AGAP1: variants seen among roughly 807,000 people sequenced by gnomAD.
The protein encoded by AGAP1 is ArfGAP with GTPase domain, ankyrin repeat and PH domain 1.
AGAP1 carries 29 observed loss-of-function variants against 105.3 expected under a neutral mutation model. That is an observed-to-expected ratio of 0.28 (90% confidence interval 0.21 to 0.38). The LOEUF is 0.38. AGAP1 is among the 10% of genes least tolerant of loss of function. The pLI is 1.00. For synonymous variants in AGAP1, 509 were observed against 485.9 expected (o/e 1.05, Z -0.63); for missense variants, 998 against 1,165.1 (o/e 0.86, Z 2.09).
Position 235,741,135 on chromosome 2 carries a change from C to A in AGAP1, c.396+87C>A. The A allele has an allele frequency of 8.4e-7, 1 of 1,189,338 alleles. No homozygotes were observed. Among genetic ancestry groups the A allele is most frequent in the Non-Finnish European group, 1.1e-6 (1 of 881,492 alleles). The allele number at this position is 1,189,338 out of a possible 1,614,324, so 73.7% of individuals were successfully genotyped here. ...AAGAAGTGCTTCTAGAAATCGGTGA[C>A]TTGGTTTCCAAAAAAGTGGAAACCC... On this transcript the variant is annotated intron_variant, in intron 4 of 17. Transcript: ENST00000304032. The surrounding 1 kb of genome is among the most constrained non-coding windows in gnomAD (Gnocchi z 4.9).
At chr2:236,088,091 C>G (rs2058976013) in intron 16 of AGAP1, among the ~76,000 whole-genome samples, 1 of 152,170 alleles carries the variant, frequency 6.6e-6, no homozygotes, top group South Asian at 2.1e-4. Context: ...AAAGTGGGGA[C>G]CTTCACCAAT....
chr2:235,494,653 G>T lies in AGAP1; in HGVS notation c.-34G>T. 3.7e-6 allele frequency: 4 copies of T among 1,069,940 alleles called. No individual in the cohort carries two copies. The highest frequency in any genetic ancestry group is 4.6e-6 in the Non-Finnish European group (4 of 872,686). 66.3% of individuals were successfully genotyped at this position (1,069,940 alleles called of 1,614,324 possible). A position where few individuals can be genotyped will look rare whatever the true frequency, so the allele number is the denominator to read the frequency against. ...CCCGGGGCGCGGGGCGGCGGCGGCG[G>T]GGGGCGCGCGGCTCCGGGCGCGGCG... On this transcript the variant is annotated 5_prime_UTR_variant, in exon 1 of 18. Transcript: ENST00000304032.
At chr2:235,554,414 G>A (rs993999658) in intron 1 of AGAP1, among the ~76,000 whole-genome samples, 2 of 152,210 alleles carry the variant, frequency 1.3e-5, no homozygotes, top group South Asian at 2.1e-4. Context: ...ACCTGTGCCC[G>A]GGCATTGATT....
At chr2:235,693,996 A>G (rs956024997) in intron 1 of AGAP1, among the ~76,000 whole-genome samples, 4 of 152,204 alleles carry the variant, frequency 2.6e-5, no homozygotes, top group Non-Finnish European at 5.9e-5. Context: ...TGGAAGCTGC[A>G]TAGTTAACTG....
At chr2:235,537,792 G>T (rs1559232633) in intron 1 of AGAP1, among the ~76,000 whole-genome samples, 1 of 152,168 alleles carries the variant, frequency 6.6e-6, no homozygotes, top group Non-Finnish European at 1.5e-5. Context: ...AGGACTCACT[G>T]CTGGCAGTCA....
Position 235,737,324 on chromosome 2 carries a change from G to GT in AGAP1, c.311-3638dup, listed in dbSNP as rs1952311128. ...TTACCAGTATCTGGTGTTTGAAATT[G>GT]TAAGATGCTGAAAAGAACTGTTAAT... On this transcript the variant is annotated intron_variant, in intron 3 of 17. Transcript: ENST00000304032. This position sits in a 1 kb window ranked among gnomAD's most constrained non-coding sequence, Gnocchi z 4.5. 1.3e-5 allele frequency among the ~76,000 whole-genome samples: 2 copies of GT among 152,224 alleles called. No individual in the cohort carries two copies. The highest frequency in any genetic ancestry group is 3.8e-4 in the East Asian group (2 of 5,200).
intron 1 of AGAP1, among the ~76,000 whole-genome samples, chr2:235,516,701 T>A (rs1942402751): frequency 6.6e-6 from 1 of 152,154 alleles, no homozygotes; most frequent in Admixed American, 6.6e-5. Context: ...CTGGGACAAA[T>A]GCCTGTGGAG....
At position 236,005,350 on chromosome 2, in the gene AGAP1, A is replaced by G. The variant is rs2056287128; in HGVS notation, c.1646-31211A>G. On this transcript the variant is annotated intron_variant, in intron 13 of 17. Transcript: ENST00000304032. This position sits in a 1 kb window ranked among gnomAD's most constrained non-coding sequence, Gnocchi z 4.1. ...GAAACGTTGTTTCACCATGTTGCCC[A>G]GGCTGGTCTCAAACTCCTGACCTCA... Among the ~76,000 whole-genome samples, 2 of 152,048 alleles carry G rather than the reference A, an allele frequency of 1.3e-5. No individual in the cohort carries two copies. The highest frequency in any genetic ancestry group is 4.2e-4 in the South Asian group (2 of 4,806).
chr2:235,754,822 G>A lies in AGAP1; in HGVS notation c.673+4334G>A, dbSNP rs984145885. ...CAGGCAGGGTCCCTTCCTCCGTGAA[G>A]TTAAGGTCCACTAGGGAGGGTAAAC... On this transcript the variant is annotated intron_variant, in intron 6 of 17. Transcript: ENST00000304032. The surrounding 1 kb of genome is among the most constrained non-coding windows in gnomAD (Gnocchi z 4.6). Among the ~76,000 whole-genome samples, 8 of 152,220 alleles carry A rather than the reference G, an allele frequency of 5.3e-5. No homozygotes were observed. Among genetic ancestry groups the A allele is most frequent in the Admixed American group, 3.9e-4 (6 of 15,280 alleles).
chr2:235,594,966 A>T (rs1574927170), intron 1 of AGAP1, among the ~76,000 whole-genome samples: 1 of 140,520 alleles, frequency 7.1e-6, no homozygotes, highest in Non-Finnish European at 1.5e-5. Flanking sequence ...TATCTAGAGG[A>T]GGTAGCTGGA....
At chr2:235,522,907 G>T (rs1574757313) in intron 1 of AGAP1, among the ~76,000 whole-genome samples, 1 of 152,344 alleles carries the variant, frequency 6.6e-6, no homozygotes, top group Middle Eastern at 3.4e-3. Flanking sequence ...GGGTTTGGCA[G>T]TTGGCATGGT....
chr2:235,822,894 G>A (rs983746278), intron 9 of AGAP1, among the ~76,000 whole-genome samples: 5 of 152,206 alleles, frequency 3.3e-5, no homozygotes, highest in African/African-American at 1.2e-4. Context: ...TCCGAGGGAA[G>A]GATGGATGGC....
chr2:235,978,133 C>A (rs1263139398), intron 13 of AGAP1, among the ~76,000 whole-genome samples: 1 of 152,176 alleles, frequency 6.6e-6, no homozygotes, highest in African/African-American at 2.4e-5. Flanking sequence ...ACCCTCATCA[C>A]CTCCCAAAGG....
At chr2:235,666,423 T>C (rs999360979) in intron 1 of AGAP1, among the ~76,000 whole-genome samples, 19 of 152,280 alleles carry the variant, frequency 1.2e-4, no homozygotes, top group African/African-American at 3.1e-4. Context: ...GTGTCTTCTT[T>C]GCATCGGGAG....
intron 1 of AGAP1, among the ~76,000 whole-genome samples, chr2:235,648,338 G>A (rs898805970): frequency 2.6e-5 from 4 of 152,124 alleles, no homozygotes; most frequent in Non-Finnish European, 5.9e-5. Flanking sequence ...CAGGCTCTGC[G>A]GTGGGCTAGC....
intron 1 of AGAP1, among the ~76,000 whole-genome samples, chr2:235,591,333 T>C (rs1442008899): frequency 2.0e-5 from 3 of 152,158 alleles, no homozygotes; most frequent in Non-Finnish European, 4.4e-5. Flanking sequence ...TTAAGTTATG[T>C]AAACAGCAAC....
At position 235,943,362 on chromosome 2, in the gene AGAP1, A is replaced by AT. The variant is rs562379887; in HGVS notation, c.1483+12458dup. Among the ~76,000 whole-genome samples, 544 of 127,076 alleles carry AT rather than the reference A, an allele frequency of 4.3e-3. 5 individuals carry two copies. Among genetic ancestry groups the AT allele is most frequent in the Middle Eastern group, 0.019 (4 of 216 alleles). The allele number at this position is 127,076 out of a possible 152,430, so 83.4% of individuals were successfully genotyped here. A position where few individuals can be genotyped will look rare whatever the true frequency, so the allele number is the denominator to read the frequency against. On this transcript the variant is annotated intron_variant, in intron 12 of 17. Transcript: ENST00000304032. Reference sequence around the variant, plus strand: ...AAAAGGCAAAGACCTAAAGGACTTAATTTTTTTTTTTTTTTTTTTGACACA... The same window carrying AT: ...AAAAGGCAAAGACCTAAAGGACTTAATTTTTTTTTTTTTTTTTTTTGACACA...
At position 236,045,946 on chromosome 2, in the gene AGAP1, T is replaced by C; in HGVS notation, c.1892-3113T>C. Reference sequence around the variant, plus strand: ...CTGCAACATTTTGGGTTTCAGAGAATTCGGAGTCCGGCACAGGAATGTGTC... The same window carrying C: ...CTGCAACATTTTGGGTTTCAGAGAACTCGGAGTCCGGCACAGGAATGTGTC... On this transcript the variant is annotated intron_variant, in intron 15 of 17. Coordinates refer to ENST00000304032, the MANE Select transcript of AGAP1 (RefSeq NM_001037131.3). This position sits in a 1 kb window ranked among gnomAD's most constrained non-coding sequence, Gnocchi z 6.9. The C allele has an allele frequency of 2.1e-6, 1 of 471,526 alleles. No homozygotes were observed. The highest frequency in any genetic ancestry group is 1.5e-5 in the South Asian group (1 of 64,546). 29.2% of individuals were successfully genotyped at this position (471,526 alleles called of 1,614,324 possible).
Position 235,559,522 on chromosome 2 carries a change from A to C in AGAP1, c.163+64673A>C, listed in dbSNP as rs1944081957. 6.6e-6 allele frequency among the ~76,000 whole-genome samples: 1 copy of C among 152,206 alleles called. No individual in the cohort carries two copies. On this transcript the variant is annotated intron_variant, in intron 1 of 17. Transcript: ENST00000304032. The surrounding 1 kb of genome is among the most constrained non-coding windows in gnomAD (Gnocchi z 5.7). ...TTCATTATGTAAATAATGTGTACTC[A>C]GTGTAGAAAAAATTAGCACAGGAAA...
Sources: allele counts gnomAD v4.1 joint callset (sites outside exome capture counted in the v4.1 genomes callset), GRCh38; gene constraint gnomAD v4.1.1; non-coding constraint Gnocchi (gnomAD v3.1); transcripts MANE v1.5; gene names NCBI Gene and HGNC (gene_info 2026-07-23, HGNC 2026-07-21).